PAPPA2: variants seen among roughly 807,000 people sequenced by gnomAD.
PAPPA2 encodes pappalysin-2.
Under a neutral mutation model 176.4 loss-of-function variants are expected in PAPPA2, and 86 were observed. That is an observed-to-expected ratio of 0.49 (90% CI 0.41 to 0.58). The LOEUF (loss-of-function observed/expected upper bound fraction) is 0.58. Among genes scored for constraint, PAPPA2 ranks in the 20% least tolerant of loss-of-function variants. The pLI is 0.00. For missense variants in PAPPA2, 2,073 were observed against 2,256.9 expected (o/e 0.92, Z 1.65); for synonymous variants, 809 against 852.2 (o/e 0.95, Z 0.88).
rs137877506 is a variant in PAPPA2, at chr1:176,536,788, G to A, written c.-916-18619G>A. Among the ~76,000 whole-genome samples, 351 of 152,274 alleles carry A rather than the reference G, an allele frequency of 2.3e-3. 2 individuals are homozygous for A. Among genetic ancestry groups the A allele is most frequent in the African/African-American group, 8.2e-3 (339 of 41,564 alleles). ...CCAAGCCCAGAGTCCGAGTGGGAGGGCATAGCAAAGTCCAATCCAGGAAAG... is the reference window on the plus strand; with the variant it reads ...CCAAGCCCAGAGTCCGAGTGGGAGGACATAGCAAAGTCCAATCCAGGAAAG... On this transcript the variant is annotated intron_variant, in intron 1 of 22. Transcript: ENST00000367662.
At chr1:176,739,478 T>C in intron 12 of PAPPA2, 148 bp from the exon 13 acceptor site, 1 of 741,002 alleles carries the variant, frequency 1.3e-6, no homozygotes, top group Non-Finnish European at 2.1e-6. Flanking sequence ...CCTTTCTGTG[T>C]CTACTCCATA....
intron 14 of PAPPA2, among the ~76,000 whole-genome samples, chr1:176,764,778 A>C (rs181082165): frequency 1.3e-4 from 20 of 152,132 alleles, no homozygotes; most frequent in Middle Eastern, 6.8e-3. Context: ...TTGTATTTTT[A>C]GTAGAGATGG....
At chr1:176,791,283 C>T (rs1665165717) in intron 18 of PAPPA2, 64 bp from the exon 19 acceptor site, 1 of 1,332,666 alleles carries the variant, frequency 7.5e-7, no homozygotes, top group Admixed American at 2.0e-5. Flanking sequence ...AATCAGACCA[C>T]TTTTTTCAAC....
chr1:176,567,413 G>A (rs1652052929), intron 2 of PAPPA2, among the ~76,000 whole-genome samples: 1 of 152,208 alleles, frequency 6.6e-6, no homozygotes. Context: ...TGATCAGAAG[G>A]AACGTTGCAG....
chr1:176,839,848 G>C (rs1179458247), intron 21 of PAPPA2, among the ~76,000 whole-genome samples: 1 of 152,066 alleles, frequency 6.6e-6, no homozygotes, highest in African/African-American at 2.4e-5. Flanking sequence ...AAAATATGTT[G>C]AACTGTTTTG....
chr1:176,562,207 A>C (rs1651714679), intron 2 of PAPPA2, among the ~76,000 whole-genome samples: 1 of 152,116 alleles, frequency 6.6e-6, no homozygotes, highest in African/African-American at 2.4e-5. Context: ...TATATTGGTA[A>C]GTGTTGTTGT....
chr1:176,649,170 A>G (rs573976624), intron 3 of PAPPA2, among the ~76,000 whole-genome samples: 1 of 151,290 alleles, frequency 6.6e-6, no homozygotes, highest in South Asian at 2.1e-4. Context: ...TGTAGGTTGT[A>G]TGTGTCCAGA....
At chr1:176,824,079 G>A (rs1666767226) in intron 21 of PAPPA2, among the ~76,000 whole-genome samples, 1 of 152,236 alleles carries the variant, frequency 6.6e-6, no homozygotes, top group Admixed American at 6.5e-5. Flanking sequence ...AAGTAAACAG[G>A]ATTGGAAAGA....
intron 14 of PAPPA2, among the ~76,000 whole-genome samples, chr1:176,751,086 G>C (rs572717257): frequency 1.3e-4 from 19 of 151,594 alleles, no homozygotes; most frequent in Middle Eastern, 6.8e-3. Flanking sequence ...AGCACCATTT[G>C]TTAAATAGGG....
chr1:176,790,835 G>A (rs1665144029), intron 18 of PAPPA2, among the ~76,000 whole-genome samples: 1 of 152,192 alleles, frequency 6.6e-6, no homozygotes, highest in Admixed American at 6.5e-5. Flanking sequence ...TGGAGAAAGG[G>A]AATAGAATTT....
chr1:176,514,112 G>GA (rs1648768861), intron 1 of PAPPA2, among the ~76,000 whole-genome samples: 1 of 152,144 alleles, frequency 6.6e-6, no homozygotes, highest in Non-Finnish European at 1.5e-5. Context: ...AATTTATAAA[G>GA]AAAAAATGTT....
chr1:176,674,082 A>G (rs2102779074), intron 4 of PAPPA2, among the ~76,000 whole-genome samples: 1 of 152,142 alleles, frequency 6.6e-6, no homozygotes, highest in South Asian at 2.1e-4. Context: ...GAAAACACAT[A>G]GAAAATAACT....
At position 176,555,874 on chromosome 1, in the gene PAPPA2, A is replaced by C. The variant is rs11141; in HGVS notation, c.-449A>C. ...TTTTGAATGACTTCAGGTAGCGAGG[A>C]GTGTGTGTTTGTGAGTGTGTATTTG... On this transcript the variant is annotated 5_prime_UTR_variant, in exon 2 of 23. Coordinates refer to ENST00000367662, the MANE Select transcript of PAPPA2 (RefSeq NM_020318.3). 0.012 allele frequency: 1,944 copies of C among 159,486 alleles called. 48 individuals are homozygous for C. Among genetic ancestry groups the C allele is most frequent in the African/African-American group, 0.044 (1,833 of 41,696 alleles). The allele number at this position is 159,486 out of a possible 1,614,324, so 9.9% of individuals were successfully genotyped here. A position where few individuals can be genotyped will look rare whatever the true frequency, so the allele number is the denominator to read the frequency against.
Position 176,695,836 on chromosome 1 carries a change from A to G in PAPPA2, c.2723A>G (p.Tyr908Cys). 1 of 1,614,014 alleles carries G rather than the reference A, an allele frequency of 6.2e-7. No homozygotes were observed. Among genetic ancestry groups the G allele is most frequent in the Non-Finnish European group, 8.5e-7 (1 of 1,179,996 alleles). ...SSRRVCDSSGYWTPEEAVGPP... is the reference protein window; with the variant it reads ...SSRRVCDSSGCWTPEEAVGPP... ...CGGCGGGTGTGTGACTCCTCAGGTTATTGGACCCCAGAGGAGGCTGTGGGT... is the reference window on the plus strand; with the variant it reads ...CGGCGGGTGTGTGACTCCTCAGGTTGTTGGACCCCAGAGGAGGCTGTGGGT... Residue 908 changes from tyrosine (Y) to cysteine (C), a missense_variant, in exon 7 of 23, where the codon TAT (tyrosine) becomes TGT (cysteine). By Grantham distance (194) the Tyr-to-Cys change is radical. Transcript: ENST00000367662.
intron 1 of PAPPA2, among the ~76,000 whole-genome samples, chr1:176,498,132 T>C (rs897949441): frequency 1.3e-5 from 2 of 152,220 alleles, no homozygotes; most frequent in Admixed American, 1.3e-4. Context: ...TTTTCAACTC[T>C]AAAGTTACCG....
intron 12 of PAPPA2, among the ~76,000 whole-genome samples, chr1:176,734,539 A>C (rs1337904109): frequency 2.0e-5 from 3 of 152,010 alleles, no homozygotes; most frequent in Admixed American, 6.6e-5. Context: ...GAAAGTAAAA[A>C]CAGGCTCCAA....
intron 3 of PAPPA2, among the ~76,000 whole-genome samples, chr1:176,612,309 G>A (rs148882658): frequency 3.3e-5 from 5 of 152,140 alleles, no homozygotes; most frequent in African/African-American, 7.2e-5. Flanking sequence ...CATGAGAATC[G>A]CCTGAATCTG....
intron 1 of PAPPA2, among the ~76,000 whole-genome samples, chr1:176,470,914 C>T (rs540815621): frequency 2.8e-4 from 43 of 152,018 alleles, no homozygotes; most frequent in African/African-American, 1.0e-3. Flanking sequence ...AAAAGCTGGC[C>T]CCATGCTTTA....
intron 3 of PAPPA2, among the ~76,000 whole-genome samples, chr1:176,662,121 G>C (rs1433263025): frequency 2.0e-5 from 3 of 152,146 alleles, no homozygotes; most frequent in African/African-American, 7.2e-5. Flanking sequence ...AAGGCTAGAA[G>C]AAAGAATGCA....
Sources: gnomAD v4.1 joint callset for allele counts (sites outside exome capture counted in the v4.1 genomes callset) on GRCh38, gnomAD v4.1.1 for gene constraint, MANE v1.5 for transcripts, NCBI Gene and HGNC (gene_info 2026-07-23, HGNC 2026-07-21) for gene names.